The following NARS1 variants were observed in gnomAD, a reference collection of about 807,000 sequenced individuals.
The protein encoded by NARS1 is asparaginyl-tRNA synthetase 1.
NARS1 carries 65 observed loss-of-function variants against 79.2 expected under a neutral mutation model. That is an observed-to-expected ratio of 0.82 (90% CI 0.67 to 1.01). The LOEUF (loss-of-function observed/expected upper bound fraction) is 1.01, where lower values mean the gene tolerates loss of function less well. Among genes scored for constraint, NARS1 ranks in the 50% least tolerant of loss-of-function variants. NARS1 has a pLI of 0.00. For missense variants in NARS1, 649 were observed against 673.8 expected (o/e 0.96, Z 0.41); for synonymous variants, 229 against 238.8 (o/e 0.96, Z 0.38).
Position 57,607,350 on chromosome 18 carries a change from A to G in NARS1, c.802-17T>C, listed in dbSNP as rs2051566922. The G allele has an allele frequency of 6.2e-7, 1 of 1,613,180 alleles. No homozygotes were observed. Among genetic ancestry groups the G allele is most frequent in the East Asian group, 2.2e-5 (1 of 44,882 alleles). On this transcript the variant is annotated splice_polypyrimidine_tract_variant and intron_variant, in intron 8 of 13. Transcript: ENST00000256854. ...AGGAGTAACCTGTTCAAATGCAAAG[A>G]AGGAATAAATCAATGCTATCGTGAG... is the stretch of plus-strand genomic sequence containing the variant.
In NARS1 at chr18:57,601,651, G is replaced by C; in HGVS notation, c.*1C>G. The C allele has an allele frequency of 1.2e-6, 2 of 1,613,426 alleles. No homozygotes were observed. The highest frequency in any genetic ancestry group is 2.7e-5 in the African/African-American group (2 of 75,008). On this transcript the variant is annotated 3_prime_UTR_variant, in exon 14 of 14. Coordinates refer to ENST00000256854, the MANE Select transcript of NARS1 (RefSeq NM_004539.4). ...TTCCTCCACGCTTCTGGAGAAAATG[G>C]TTATGGCGTGCAACGCTGGACAAAT...
chr18:57,610,382 G>T (rs1346206806), intron 6 of NARS1, among the ~76,000 whole-genome samples: 1 of 152,188 alleles, frequency 6.6e-6, no homozygotes, highest in African/African-American at 2.4e-5. Flanking sequence ...TGAAGCAAGA[G>T]AATCACTTGA....
Position 57,602,402 on chromosome 18 carries a change from T to C in NARS1, c.1468A>G (p.Lys490Glu). 6.2e-7 allele frequency: 1 copy of C among 1,614,026 alleles called. No individual in the cohort carries two copies. ...GGAGTGGGGTCAATCCCTTCCCTTT[T>C]ATAACCTGCCAGTATTTCTTCACTA... ...FDSEEILAGY[K>E]REGIDPTPYY... The change falls in exon 13 of 14, where the codon AAA (lysine) becomes GAA (glutamate). Residue 490 changes from lysine (K) to glutamate (E), a missense_variant. Transcript: ENST00000256854.
chr18:57,616,039 C>A, intron 2 of NARS1, 64 bp from the exon 3 acceptor site: 2 of 1,406,860 alleles, frequency 1.4e-6, no homozygotes, highest in Non-Finnish European at 1.9e-6. Flanking sequence ...ATCAAAATAA[C>A]ATCTCAAGTA....
At chr18:57,621,151 C>T (rs1908280719) in intron 1 of NARS1, among the ~76,000 whole-genome samples, 1 of 152,148 alleles carries the variant, frequency 6.6e-6, no homozygotes, top group African/African-American at 2.4e-5. Flanking sequence ...TAAACACCAG[C>T]TCCCTCTGGA....
At chr18:57,610,785 A>G (rs1161711013) in intron 6 of NARS1, among the ~76,000 whole-genome samples, 1 of 152,176 alleles carries the variant, frequency 6.6e-6, no homozygotes, top group Non-Finnish European at 1.5e-5. Context: ...CAGCAGAGTT[A>G]TAAAGAAAAT....
At chr18:57,618,727 T>C (rs927183131) in intron 2 of NARS1, among the ~76,000 whole-genome samples, 5 of 151,692 alleles carry the variant, frequency 3.3e-5, no homozygotes, top group Non-Finnish European at 7.4e-5. Flanking sequence ...CATAATGAGA[T>C]CTCGTATCTA....
chr18:57,619,558 C>A (rs898059082), intron 2 of NARS1, among the ~76,000 whole-genome samples: 1 of 151,946 alleles, frequency 6.6e-6, no homozygotes, highest in Admixed American at 6.6e-5. Flanking sequence ...TAACCATCTT[C>A]CTTATGTGGC....
chr18:57,621,760 C>A lies in NARS1; in HGVS notation c.-43G>T, dbSNP rs557726055. On this transcript the variant is annotated 5_prime_UTR_variant, in exon 1 of 14. Coordinates refer to ENST00000256854, the MANE Select transcript of NARS1 (RefSeq NM_004539.4). ...TCACCTCCAAGGACACAGACTGCAA[C>A]ACCGACGCCGTCTTATGACTCCAAC... 39 of 1,613,808 alleles carry A rather than the reference C, an allele frequency of 2.4e-5. No homozygotes were observed. The African/African-American group carries it at 3.3e-4, about 14-fold the overall frequency.
Position 57,615,871 on chromosome 18 carries a change from A to G in NARS1, c.198T>C (p.Ile66=). The G allele has an allele frequency of 6.2e-7, 1 of 1,613,372 alleles. No homozygotes were observed. Among genetic ancestry groups the G allele is most frequent in the South Asian group, 1.1e-5 (1 of 90,830 alleles). ...NVISKSQLKN[I]KKMWHREQMK... ...TTTGTTCCCTATGCCACATCTTTTTAATGTTCTTCAACTGTGATTTAGAAA... is the reference window on the plus strand; with the variant it reads ...TTTGTTCCCTATGCCACATCTTTTTGATGTTCTTCAACTGTGATTTAGAAA... The change falls in exon 3 of 14, where the codon ATT becomes ATC. Residue 66 remains isoleucine, a synonymous_variant. Transcript: ENST00000256854.
At chr18:57,612,517 C>G (rs980916137) in intron 5 of NARS1, among the ~76,000 whole-genome samples, 1 of 150,662 alleles carries the variant, frequency 6.6e-6, no homozygotes, top group African/African-American at 2.4e-5. Flanking sequence ...CTCACTGCAA[C>G]CTCTGCCTCC....
At position 57,613,518 on chromosome 18, in the gene NARS1, C is replaced by A. The variant is rs114783865; in HGVS notation, c.421+84G>T. Reference sequence around the variant, plus strand: ...AGAAAAAAAGGGGGAGAGAAAAAAACCCCTGCAAATCTTTGTATGTTTTTC... The same window carrying A: ...AGAAAAAAAGGGGGAGAGAAAAAAAACCCTGCAAATCTTTGTATGTTTTTC... On this transcript the variant is annotated intron_variant, in intron 5 of 13. Transcript: ENST00000256854. 2.5e-3 allele frequency: 3,107 copies of A among 1,239,154 alleles called. 68 individuals carry two copies. The African/African-American group carries it at 0.04, about 16-fold the overall frequency. 76.8% of individuals were successfully genotyped at this position (1,239,154 alleles called of 1,614,324 possible). A position where few individuals can be genotyped will look rare whatever the true frequency, so the allele number is the denominator to read the frequency against.
chr18:57,621,097 T>A (rs770702270), intron 1 of NARS1, among the ~76,000 whole-genome samples: 10 of 152,116 alleles, frequency 6.6e-5, no homozygotes, highest in Non-Finnish European at 1.2e-4. Context: ...AAATAACACA[T>A]ACAAATCAGA....
Position 57,602,917 on chromosome 18 carries a change from C to A in NARS1, c.1278G>T (p.Leu426=), listed in dbSNP as rs749750434. The A allele has an allele frequency of 1.2e-6, 2 of 1,613,990 alleles. No individual in the cohort carries two copies. The highest frequency in any genetic ancestry group is 2.2e-5 in the East Asian group (1 of 44,890). The part of the protein sequence containing the change: ...GEDIPEAPER[L]MTDTINEPIL... Reference sequence around the variant, plus strand: ...TTGGTTCATTAATGGTGTCTGTCATCAGTCTCTCAGGAGCTTCTGGGATAT... The same window carrying A: ...TTGGTTCATTAATGGTGTCTGTCATAAGTCTCTCAGGAGCTTCTGGGATAT... Residue 426 remains leucine (L), a synonymous_variant, in exon 12 of 14, where the codon CTG becomes CTT. Coordinates refer to ENST00000256854, the MANE Select transcript of NARS1 (RefSeq NM_004539.4).
chr18:57,611,763 T>TA lies in NARS1; in HGVS notation c.422-57dup, dbSNP rs533748655. ...ACTGTTCTCAAGGCATTAAATTTTA[T>TA]ATATATATATAATTTTAAAGATAGG... On this transcript the variant is annotated intron_variant, in intron 5 of 13. Transcript: ENST00000256854. The TA allele has an allele frequency of 8.9e-5, 84 of 944,758 alleles. No homozygotes were observed. In the African/African-American group the frequency reaches 1.2e-3, roughly 14 times the overall value. 58.5% of individuals were successfully genotyped at this position (944,758 alleles called of 1,614,324 possible). A position where few individuals can be genotyped will look rare whatever the true frequency, so the allele number is the denominator to read the frequency against.
Position 57,611,719 on chromosome 18 carries a change from GAAAT to G in NARS1, c.422-16_422-13del. The G allele has an allele frequency of 1.3e-6, 2 of 1,531,872 alleles. No homozygotes were observed. Among genetic ancestry groups the G allele is most frequent in the Non-Finnish European group, 8.9e-7 (1 of 1,124,276 alleles). The allele number at this position is 1,531,872 out of a possible 1,614,324, so 94.9% of individuals were successfully genotyped here. A position where few individuals can be genotyped will look rare whatever the true frequency, so the allele number is the denominator to read the frequency against. ...CATTAAATTCTTTCCTAAAAAATGA[GAAAT>G]AATAATTTAGGCAGACTGTTCTCAA... On this transcript the variant is annotated splice_polypyrimidine_tract_variant and intron_variant, in intron 5 of 13. Transcript: ENST00000256854.
intron 5 of NARS1, among the ~76,000 whole-genome samples, chr18:57,612,200 T>C (rs956132091): frequency 6.6e-6 from 1 of 152,152 alleles, no homozygotes; most frequent in Admixed American, 6.5e-5. Flanking sequence ...TATTGGACTT[T>C]CAAATCCTAC....
intron 5 of NARS1, 76 bp from the exon 6 acceptor site, chr18:57,611,783 G>T: frequency 1.3e-6 from 1 of 782,894 alleles, no homozygotes; most frequent in Non-Finnish European, 1.8e-6. Context: ...TAATTTTAAA[G>T]ATAGGGTCTC....
Position 57,605,814 on chromosome 18 carries a change from G to A in NARS1, c.1251+43C>T, listed in dbSNP as rs769188250. On this transcript the variant is annotated intron_variant, in intron 11 of 13. Coordinates refer to ENST00000256854, the MANE Select transcript of NARS1 (RefSeq NM_004539.4). ...CATTAACCAGAAGAAGAGAATTGGA[G>A]CCCAATCCCACCTTGGAAACAATGA... 1.7e-5 allele frequency: 22 copies of A among 1,325,720 alleles called. No individual in the cohort carries two copies. The Admixed American group carries it at 4.4e-4, about 26-fold the overall frequency. The allele number at this position is 1,325,720 out of a possible 1,614,324, so 82.1% of individuals were successfully genotyped here.
Sources: allele counts gnomAD v4.1 joint callset (sites outside exome capture counted in the v4.1 genomes callset), GRCh38; gene constraint gnomAD v4.1.1; transcripts MANE v1.5; gene names NCBI Gene and HGNC (gene_info 2026-07-23, HGNC 2026-07-21).